Variants in JAKMIP1 observed in about 807,000 individuals in gnomAD.
JAKMIP1 encodes the protein janus kinase and microtubule-interacting protein 1.
In JAKMIP1, 33 loss-of-function variants were observed where a neutral mutation model predicts 113.0. That is an observed-to-expected ratio of 0.29 (90% CI 0.22 to 0.39). JAKMIP1 has a LOEUF of 0.39. JAKMIP1 is among the 10% of genes least tolerant of loss of function. JAKMIP1 has a pLI of 1.00. For missense variants in JAKMIP1, 813 were observed against 1,080.5 expected (o/e 0.75, Z 3.47); for synonymous variants, 480 against 459.9 (o/e 1.04, Z -0.56).
rs1449333343 is a variant in JAKMIP1, at chr4:6,156,136, T to C, written c.-147-43139A>G. On this transcript the variant is annotated intron_variant, in intron 1 of 20. Coordinates refer to ENST00000409021, the MANE Select transcript of JAKMIP1 (RefSeq NM_001099433.2). This position sits in a 1 kb window ranked among gnomAD's most constrained non-coding sequence, Gnocchi z 5.0. Reference sequence around the variant, plus strand: ...TTTCTAAATACCTGACCCATCTGTGTGTTTCTTGGGAGCAGAGACCGGGAA... The same window carrying C: ...TTTCTAAATACCTGACCCATCTGTGCGTTTCTTGGGAGCAGAGACCGGGAA... 6.6e-6 allele frequency among the ~76,000 whole-genome samples: 1 copy of C among 152,240 alleles called. No individual in the cohort carries two copies. Among genetic ancestry groups the C allele is most frequent in the Non-Finnish European group, 1.5e-5 (1 of 68,048 alleles).
chr4:6,167,072 G>A lies in JAKMIP1; in HGVS notation c.-148+33181C>T, dbSNP rs960232688. Among the ~76,000 whole-genome samples the A allele has an allele frequency of 6.6e-6, 1 of 152,096 alleles. No homozygotes were observed. The highest frequency in any genetic ancestry group is 1.5e-5 in the Non-Finnish European group (1 of 67,992). On this transcript the variant is annotated intron_variant, in intron 1 of 20. Transcript: ENST00000409021. The surrounding 1 kb of genome is among the most constrained non-coding windows in gnomAD (Gnocchi z 5.3). ...CATCAAGTACTTGGAACAGTGCCTG[G>A]TGCGTAGGGGGTACTCAGGGTGGGC...
intron 19 of JAKMIP1, among the ~76,000 whole-genome samples, chr4:6,030,213 A>C (rs1712428292): frequency 6.6e-6 from 1 of 152,092 alleles, no homozygotes; most frequent in Admixed American, 6.5e-5. Context: ...GTACTTGTCT[A>C]AGATTTGTTT....
chr4:6,101,424 C>T (rs894490255), intron 3 of JAKMIP1, among the ~76,000 whole-genome samples: 2 of 152,112 alleles, frequency 1.3e-5, no homozygotes, highest in South Asian at 2.1e-4. Context: ...GTTCCATTGA[C>T]GTGTCTCTCT....
At position 6,149,541 on chromosome 4, in the gene JAKMIP1, C is replaced by G. The variant is rs1027917683; in HGVS notation, c.-147-36544G>C. Among the ~76,000 whole-genome samples the G allele has an allele frequency of 2.0e-5, 3 of 152,208 alleles. No individual in the cohort carries two copies. The East Asian group carries it at 5.8e-4, about 29-fold the overall frequency. ...TGAAACCAACTCGCACTCGAAATCC[C>G]AGTTTGCTACACACGTGGTCAAGAT... On this transcript the variant is annotated intron_variant, in intron 1 of 20. Transcript: ENST00000409021.
Position 6,042,302 on chromosome 4 carries a change from T to A in JAKMIP1, c.2029-75A>T. ...CCAAGGGGCTGTGGAATTTCACAGGTGTGTGAATTTCATAGATCGGCTTCC... is the reference window on the plus strand; with the variant it reads ...CCAAGGGGCTGTGGAATTTCACAGGAGTGTGAATTTCATAGATCGGCTTCC... On this transcript the variant is annotated intron_variant, in intron 16 of 20. Transcript: ENST00000409021. The surrounding 1 kb of genome is among the most constrained non-coding windows in gnomAD (Gnocchi z 5.2). 1 of 1,192,442 alleles carries A rather than the reference T, an allele frequency of 8.4e-7. No homozygotes were observed. Among genetic ancestry groups the A allele is most frequent in the Non-Finnish European group, 1.2e-6 (1 of 801,108 alleles). 73.9% of individuals were successfully genotyped at this position (1,192,442 alleles called of 1,614,324 possible). A position where few individuals can be genotyped will look rare whatever the true frequency, so the allele number is the denominator to read the frequency against.
At chr4:6,122,738 T>C (rs1560224812) in intron 1 of JAKMIP1, among the ~76,000 whole-genome samples, 2 of 152,262 alleles carry the variant, frequency 1.3e-5, no homozygotes, top group South Asian at 4.2e-4. Flanking sequence ...CCATGTGATA[T>C]GGAGGTCAGG....
chr4:6,169,870 T>C (rs982217191), intron 1 of JAKMIP1, among the ~76,000 whole-genome samples: 9 of 151,718 alleles, frequency 5.9e-5, no homozygotes, highest in African/African-American at 2.2e-4. Context: ...CAGATTAATA[T>C]AGGTAAAGTG....
chr4:6,072,170 T>C (rs1719050065), intron 8 of JAKMIP1, among the ~76,000 whole-genome samples: 1 of 152,208 alleles, frequency 6.6e-6, no homozygotes, highest in Non-Finnish European at 1.5e-5. Context: ...ACCTGCTCCG[T>C]TTCTCTCACA....
At position 6,140,104 on chromosome 4, in the gene JAKMIP1, G is replaced by A. The variant is rs1012025185; in HGVS notation, c.-147-27107C>T. ...TTTATTAGATGGATTGAGATGTACT[G>A]AGAATAGCTATGAACTATTGTCCCA... On this transcript the variant is annotated intron_variant, in intron 1 of 20. Transcript: ENST00000409021. The surrounding 1 kb of genome is among the most constrained non-coding windows in gnomAD (Gnocchi z 9.4). Among the ~76,000 whole-genome samples, 10 of 152,172 alleles carry A rather than the reference G, an allele frequency of 6.6e-5. No individual in the cohort carries two copies. Among genetic ancestry groups the A allele is most frequent in the African/African-American group, 1.9e-4 (8 of 41,422 alleles).
Position 6,043,498 on chromosome 4 carries a change from C to T in JAKMIP1, c.2029-1271G>A, listed in dbSNP as rs540629460. Among the ~76,000 whole-genome samples the T allele has an allele frequency of 3.3e-5, 5 of 152,124 alleles. No homozygotes were observed. In the South Asian group the frequency reaches 6.2e-4, roughly 19 times the overall value. On this transcript the variant is annotated intron_variant, in intron 16 of 20. Coordinates refer to ENST00000409021, the MANE Select transcript of JAKMIP1 (RefSeq NM_001099433.2). ...TGAAATGTCTCATACCCAGATCTGC[C>T]CCACCACGCCCTGTGTGCCGCTGCC...
chr4:6,159,567 G>A (rs769980330), intron 1 of JAKMIP1, among the ~76,000 whole-genome samples: 2 of 152,092 alleles, frequency 1.3e-5, no homozygotes, highest in Non-Finnish European at 2.9e-5. Context: ...AAGAAGAAAC[G>A]CAAATGGCCA....
chr4:6,116,636 C>G lies in JAKMIP1; in HGVS notation c.-147-3639G>C, dbSNP rs1715827053. Among the ~76,000 whole-genome samples, 1 of 152,190 alleles carries G rather than the reference C, an allele frequency of 6.6e-6. No individual in the cohort carries two copies. ...CCACCCATCTCTGACATCACATGTC[C>G]CCTGTCCCAGCCTCCAAGTCGTTTG... On this transcript the variant is annotated intron_variant, in intron 1 of 20. Coordinates refer to ENST00000409021, the MANE Select transcript of JAKMIP1 (RefSeq NM_001099433.2). The surrounding 1 kb of genome is among the most constrained non-coding windows in gnomAD (Gnocchi z 5.1).
At chr4:6,177,104 C>T (rs1022627043) in intron 1 of JAKMIP1, among the ~76,000 whole-genome samples, 6 of 152,142 alleles carry the variant, frequency 3.9e-5, no homozygotes, top group African/African-American at 1.4e-4. Context: ...TGTGACCATG[C>T]CTAGACACCC....
chr4:6,077,984 C>T (rs1719923738), intron 8 of JAKMIP1, among the ~76,000 whole-genome samples: 1 of 152,208 alleles, frequency 6.6e-6, no homozygotes, highest in Non-Finnish European at 1.5e-5. Context: ...ACCAAGACCA[C>T]ATGTCTTTGG....
chr4:6,194,685 A>G lies in JAKMIP1; in HGVS notation c.-148+5568T>C, dbSNP rs879420. On this transcript the variant is annotated intron_variant, in intron 1 of 20. Transcript: ENST00000409021. The surrounding 1 kb of genome is among the most constrained non-coding windows in gnomAD (Gnocchi z 7.4). ...GCCTCCCTCTGACCTGGCAGGCATAAGGGTATTTCTGCCACAATGAGCACC... is the reference window on the plus strand; with the variant it reads ...GCCTCCCTCTGACCTGGCAGGCATAGGGGTATTTCTGCCACAATGAGCACC... The G allele has an allele frequency of 0.46, 70,685 of 152,118 alleles. 17,692 individuals are homozygous for G. The highest frequency in any genetic ancestry group is 0.63 in the East Asian group (3,221 of 5,142). The allele number at this position is 152,118 out of a possible 1,614,324, so 9.4% of individuals were successfully genotyped here.
In JAKMIP1 at chr4:6,193,469, A is replaced by G. The variant is rs1727508272; in HGVS notation, c.-148+6784T>C. On this transcript the variant is annotated intron_variant, in intron 1 of 20. Transcript: ENST00000409021. The surrounding 1 kb of genome is among the most constrained non-coding windows in gnomAD (Gnocchi z 6.4). ...CAGACGTGAGGGATGAAAAGAAGCCAGTCTGGGCCAGGGTAGGGATGAACA... is the reference window on the plus strand; with the variant it reads ...CAGACGTGAGGGATGAAAAGAAGCCGGTCTGGGCCAGGGTAGGGATGAACA... Among the ~76,000 whole-genome samples, 1 of 152,226 alleles carries G rather than the reference A, an allele frequency of 6.6e-6. No homozygotes were observed. Among genetic ancestry groups the G allele is most frequent in the Non-Finnish European group, 1.5e-5 (1 of 68,030 alleles).
rs555654064 is a variant in JAKMIP1 at position 6,137,419 on chromosome 4, C to G, written c.-147-24422G>C. ...AAATTCACGGCTCTGGCCCATGGAA[C>G]CTTAATCACGTCACACCTGATACAG... On this transcript the variant is annotated intron_variant, in intron 1 of 20. Coordinates refer to ENST00000409021, the MANE Select transcript of JAKMIP1 (RefSeq NM_001099433.2). The surrounding 1 kb of genome is among the most constrained non-coding windows in gnomAD (Gnocchi z 4.5). Among the ~76,000 whole-genome samples the G allele has an allele frequency of 6.6e-6, 1 of 152,208 alleles. No individual in the cohort carries two copies. Among genetic ancestry groups the G allele is most frequent in the Non-Finnish European group, 1.5e-5 (1 of 68,044 alleles).
intron 20 of JAKMIP1, among the ~76,000 whole-genome samples, chr4:6,026,823 A>G (rs1054020404): frequency 1.3e-5 from 2 of 151,190 alleles, no homozygotes; most frequent in Admixed American, 6.6e-5. Flanking sequence ...ATGTGGCCCG[A>G]CACAAATGTA....
At chr4:6,123,021 T>C (rs775207153) in intron 1 of JAKMIP1, among the ~76,000 whole-genome samples, 6 of 152,244 alleles carry the variant, frequency 3.9e-5, no homozygotes, top group Non-Finnish European at 7.3e-5. Context: ...AATGACTTAA[T>C]TGCAAACTAC....
Sources: allele counts gnomAD v4.1 joint callset (sites outside exome capture counted in the v4.1 genomes callset), GRCh38; gene constraint gnomAD v4.1.1; non-coding constraint Gnocchi (gnomAD v3.1); transcripts MANE v1.5; gene names NCBI Gene and HGNC (gene_info 2026-07-23, HGNC 2026-07-21).